The following NUDT18 variants were observed in gnomAD, a reference collection of about 807,000 sequenced individuals.
The protein encoded by NUDT18 is nudix hydrolase 18.
A neutral mutation model predicts 27.6 loss-of-function variants in NUDT18; 26 were observed. That is an observed-to-expected ratio of 0.94 (90% CI 0.69 to 1.31). The LOEUF is 1.31. NUDT18 is among the 50% of genes most tolerant of loss of function. The pLI, the probability that NUDT18 is intolerant of heterozygous loss-of-function variation, is 0.00. For synonymous variants in NUDT18, 220 were observed against 196.9 expected, an observed-to-expected ratio of 1.12 and a Z score of -0.98; for missense variants, 450 against 433.4, an observed-to-expected ratio of 1.04 and a Z score of -0.34.
chr8:22,109,413 T>TCACGAGAACGCGGAAGCG lies in NUDT18; in HGVS notation c.-114_-113insCGCTTCCGCGTTCTCGTG. 2.9e-6 allele frequency: 1 copy of TCACGAGAACGCGGAAGCG among 347,366 alleles called. No individual in the cohort carries two copies. The highest frequency in any genetic ancestry group is 4.1e-6 in the Non-Finnish European group (1 of 241,380). 21.5% of individuals were successfully genotyped at this position (347,366 alleles called of 1,614,324 possible). ...GTCCCTGCGGCAGCGGGCCGGGAGC[T>TCACGAGAACGCGGAAGCG]CACGAGAACGCGGAAGCGCACGCGA... On this transcript the variant is annotated 5_prime_UTR_variant, in exon 1 of 3. Transcript: ENST00000611621.
rs753534345 is a variant in NUDT18 at position 22,109,199 on chromosome 8, C to A, written c.102G>T (p.Ala34=). The change falls in exon 1 of 3, where the codon GCG becomes GCT. Residue 34 remains alanine, a synonymous_variant. Transcript: ENST00000611621. ...ACACGTTCTTCCGCAGCCGCACGGG[C>A]GCCGGCGGCTCCCCGGCCGGCGCCG... ...CDSAPAGEPP[A]PVRLRKNVCY... 2 of 1,447,992 alleles carry A rather than the reference C, an allele frequency of 1.4e-6. No homozygotes were observed. The highest frequency in any genetic ancestry group is 1.5e-5 in the African/African-American group (1 of 66,736). 89.7% of individuals were successfully genotyped at this position (1,447,992 alleles called of 1,614,324 possible).
At chr8:22,108,766 C>T (rs1033713887) in intron 1 of NUDT18, among the ~76,000 whole-genome samples, 1 of 152,242 alleles carries the variant, frequency 6.6e-6, no homozygotes, top group Non-Finnish European at 1.5e-5. Context: ...CCGCTCTGTA[C>T]AACCCCGCCC....
At chr8:22,109,459 T>C (rs775781152), upstream of NUDT18, 13 of 598,704 alleles carry the variant, frequency 2.2e-5, no homozygotes, top group South Asian at 3.7e-4. Context: ...GCACGCGAGC[T>C]CTGGCCGCTG....
At chr8:22,107,954 G>A in intron 2 of NUDT18, 59 bp from the exon 3 acceptor site, 1 of 1,433,358 alleles carries the variant, frequency 7.0e-7, no homozygotes, top group Non-Finnish European at 9.3e-7. Flanking sequence ...GTGCAGCTCT[G>A]GCAGAGTCAA....
rs1205806761 is a variant in NUDT18 at position 22,108,138 on chromosome 8, G to C, written c.371C>G (p.Pro124Arg). The C allele has an allele frequency of 2.0e-6, 3 of 1,520,404 alleles. No homozygotes were observed. Among genetic ancestry groups the C allele is most frequent in the African/African-American group, 1.4e-5 (1 of 72,234 alleles). 94.2% of individuals were successfully genotyped at this position (1,520,404 alleles called of 1,614,324 possible). The change falls in exon 2 of 3, where the codon CCC becomes CGC. Residue 124 changes from proline to arginine, a missense_variant. Transcript: ENST00000611621. ...SWVRFVFLAR[P>R]TGGILKTSKE... ...TGCCTCCAGGTGGGCCATACCTGTG[G>C]GGCGAGCGAGGAACACGAAGCGGAC... is the stretch of plus-strand genomic sequence containing the variant.
rs749610003 is a variant in NUDT18 at position 22,107,863 on chromosome 8, C to T, written c.409G>A (p.Ala137Thr). The stretch of plus-strand genomic sequence containing the variant: ...TACCAGGCAGCCTGCAGGGACTCCG[C>T]ATCGGCCTCCTTGGAAGTCTTGAGA... ...GILKTSKEAD[A>T]ESLQAAWYPR... Residue 137 changes from alanine to threonine, a missense_variant, in exon 3 of 3, where the codon GCG becomes ACG. Transcript: ENST00000611621. 1 of 1,596,138 alleles carries T rather than the reference C, an allele frequency of 6.3e-7. No individual in the cohort carries two copies. The highest frequency in any genetic ancestry group is 8.5e-7 in the Non-Finnish European group (1 of 1,169,742).
chr8:22,108,263 C>T lies in NUDT18; in HGVS notation c.246G>A (p.Glu82=). ...CCCGCTGCAGCGCCTCCACGATGGT[C>T]TCCCCTGGCTCCATTCTCCCCGCAG... ...YLPAGRMEPG[E]TIVEALQREV... is the part of the protein sequence containing the mutation. The change falls in exon 2 of 3, where the codon GAG becomes GAA. Residue 82 remains glutamate, a synonymous_variant. Coordinates refer to ENST00000611621, the MANE Select transcript of NUDT18 (RefSeq NM_024815.4). 1 of 1,596,094 alleles carries T rather than the reference C, an allele frequency of 6.3e-7. No homozygotes were observed.
In NUDT18 at chr8:22,109,148, G is replaced by A; in HGVS notation, c.153C>T (p.Leu51=). 2.8e-6 allele frequency: 4 copies of A among 1,441,378 alleles called. No homozygotes were observed. Among genetic ancestry groups the A allele is most frequent in the Admixed American group, 3.1e-5 (1 of 32,316 alleles). 89.3% of individuals were successfully genotyped at this position (1,441,378 alleles called of 1,614,324 possible). ...NVCYVVLAVF[L]SEQDEVLLIQ... ...GGGGGCGGCCGCTCACCTGCTCGCT[G>A]AGGAACACGGCCAGCACCACGTAGC... The change falls in exon 1 of 3, where the codon CTC becomes CTT. Residue 51 remains leucine, a synonymous_variant. Coordinates refer to ENST00000611621, the MANE Select transcript of NUDT18 (RefSeq NM_024815.4).
In NUDT18 at chr8:22,108,218, C is replaced by T; in HGVS notation, c.291G>A (p.Gly97=). The T allele has an allele frequency of 6.3e-7, 1 of 1,597,192 alleles. No homozygotes were observed. Among genetic ancestry groups the T allele is most frequent in the Non-Finnish European group, 8.5e-7 (1 of 1,172,750 alleles). Residue 97 remains glycine, a synonymous_variant, in exon 2 of 3, where the codon GGG becomes GGA. Transcript: ENST00000611621. The part of the protein sequence containing the change: ...ALQREVKEEA[G]LHCEPETLLS... ...GCAGTGTCTCGGGCTCACAGTGCAG[C>T]CCCGCCTCCTCCTTCACCTCCCGCT...
upstream of NUDT18, chr8:22,109,443 G>A (rs1185186358): frequency 1.5e-6 from 1 of 674,418 alleles, no homozygotes; most frequent in Non-Finnish European, 2.2e-6. Context: ...ACGCGAACGC[G>A]GAAGCGCACG....
At chr8:22,108,406 G>A in intron 1 of NUDT18, 60 bp from the exon 2 acceptor site, 2 of 1,456,638 alleles carry the variant, frequency 1.4e-6, no homozygotes, top group Non-Finnish European at 1.9e-6. Flanking sequence ...GGGACCAGGG[G>A]GCATCTCAAA....
rs188975816 is a variant in NUDT18, at chr8:22,108,313, C to G, written c.196G>C (p.Glu66Gln). Residue 66 changes from glutamate to glutamine, a missense_variant, in exon 2 of 3, where the codon GAG (glutamate) becomes CAG (glutamine). Coordinates refer to ENST00000611621, the MANE Select transcript of NUDT18 (RefSeq NM_024815.4). ...EVLLIQEAKR[E>Q]CRGSWYLPAG... Reference sequence around the variant, plus strand: ...GGCAGGTACCACGACCCCCGGCACTCCCTCTTGGCCTCCTGGATCAGTAGC... The same window carrying G: ...GGCAGGTACCACGACCCCCGGCACTGCCTCTTGGCCTCCTGGATCAGTAGC... 3.2e-6 allele frequency: 5 copies of G among 1,585,514 alleles called. No homozygotes were observed. Among genetic ancestry groups the G allele is most frequent in the Non-Finnish European group, 4.3e-6 (5 of 1,167,694 alleles).
chr8:22,108,430 G>A, intron 1 of NUDT18, 84 bp from the exon 2 acceptor site: 1 of 1,253,198 alleles, frequency 8.0e-7, no homozygotes, highest in Non-Finnish European at 1.1e-6. Context: ...AGTCGCCCAA[G>A]ACTCCCCTCT....
chr8:22,109,221 G>C lies in NUDT18; in HGVS notation c.80C>G (p.Ala27Gly). ...QGSSVHSCDS[A>G]PAGEPPAPVR... ...GGGCGCCGGCGGCTCCCCGGCCGGC[G>C]CCGAGTCGCAGCTGTGCACGCTGGA... Residue 27 changes from alanine to glycine, a missense_variant, in exon 1 of 3, where the codon GCG (alanine) becomes GGG (glycine). Ala to Gly is a moderately conservative substitution (Grantham distance 60, BLOSUM62 0). Coordinates refer to ENST00000611621, the MANE Select transcript of NUDT18 (RefSeq NM_024815.4). The C allele has an allele frequency of 6.9e-7, 1 of 1,440,660 alleles. No homozygotes were observed. Among genetic ancestry groups the C allele is most frequent in the Non-Finnish European group, 9.0e-7 (1 of 1,106,686 alleles). 89.2% of individuals were successfully genotyped at this position (1,440,660 alleles called of 1,614,324 possible).
In NUDT18 at chr8:22,107,447, G is replaced by A. The variant is rs774470763; in HGVS notation, c.825C>T (p.Thr275=). ...GGATCCCTGGGCTCCGAAAAGCCAC[G>A]GTCACCAGCACATTCAAACAGATGC... ...SDGICLNVLV[T]VAFRSPGIQD... Residue 275 remains threonine (T), a synonymous_variant, in exon 3 of 3, where the codon ACC becomes ACT. Coordinates refer to ENST00000611621, the MANE Select transcript of NUDT18 (RefSeq NM_024815.4). 24 of 1,613,148 alleles carry A rather than the reference G, an allele frequency of 1.5e-5. No homozygotes were observed. Among genetic ancestry groups the A allele is most frequent in the East Asian group, 8.9e-5 (4 of 44,882 alleles).
At position 22,108,259 on chromosome 8, in the gene NUDT18, T is replaced by C. The variant is rs1283656953; in HGVS notation, c.250A>G (p.Ile84Val). Reference protein sequence around the residue: ...PAGRMEPGETIVEALQREVKE... With the variant: ...PAGRMEPGETVVEALQREVKE... ...ACCTCCCGCTGCAGCGCCTCCACGA[T>C]GGTCTCCCCTGGCTCCATTCTCCCC... The change falls in exon 2 of 3, where the codon ATC (isoleucine) becomes GTC (valine). Residue 84 changes from isoleucine to valine, a missense_variant. By Grantham distance (29) the Ile-to-Val change is conservative (BLOSUM62 3). Coordinates refer to ENST00000611621, the MANE Select transcript of NUDT18 (RefSeq NM_024815.4). The C allele has an allele frequency of 1.9e-6, 3 of 1,596,706 alleles. No homozygotes were observed. Among genetic ancestry groups the C allele is most frequent in the Non-Finnish European group, 1.7e-6 (2 of 1,172,332 alleles).
At position 22,109,241 on chromosome 8, in the gene NUDT18, G is replaced by C; in HGVS notation, c.60C>G (p.Ser20Arg). ...LASVLAGQGS[S>R]VHSCDSAPAG... ...CCGGCGCCGAGTCGCAGCTGTGCAC[G>C]CTGGACCCCTGGCCAGCCAGCACGG... The change falls in exon 1 of 3, where the codon AGC becomes AGG. Residue 20 changes from serine (S) to arginine (R), a missense_variant. Transcript: ENST00000611621. 1 of 1,427,122 alleles carries C rather than the reference G, an allele frequency of 7.0e-7. No homozygotes were observed. Among genetic ancestry groups the C allele is most frequent in the Non-Finnish European group, 9.1e-7 (1 of 1,098,836 alleles). The allele number at this position is 1,427,122 out of a possible 1,614,324, so 88.4% of individuals were successfully genotyped here.
chr8:22,109,937 G>A (rs914579540), upstream of NUDT18: 1 of 325,682 alleles, frequency 3.1e-6, no homozygotes, highest in African/African-American at 2.2e-5. Context: ...CTGCCTTGAA[G>A]GAGATTCTGC....
exon 1 of NUDT18, chr8:22,109,418 AGAACGCGGAAGCGCACGC>A (rs780941941): frequency 3.3e-3 from 1,214 of 371,820 alleles, 9 homozygotes; most frequent in South Asian, 0.018. Context: ...GGAGCTCACG[AGAACGCGGAAGCGCACGC>A]GAACGCGGAA....
Sources: gnomAD v4.1 joint callset for allele counts (sites outside exome capture counted in the v4.1 genomes callset) on GRCh38, gnomAD v4.1.1 for gene constraint, MANE v1.5 for transcripts, NCBI Gene and HGNC (gene_info 2026-07-23, HGNC 2026-07-21) for gene names.